The following BTRC variants were observed in gnomAD, a reference collection of about 807,000 sequenced individuals.
BTRC encodes the protein F-box/WD repeat-containing protein 1A.
Under a neutral mutation model 85.5 loss-of-function variants are expected in BTRC, and 42 were observed. The observed-to-expected ratio is 0.49, with a 90% CI of 0.38 to 0.64. The LOEUF (loss-of-function observed/expected upper bound fraction) is 0.64, where lower values mean the gene tolerates loss of function less well. Ranked by LOEUF, BTRC falls within the 30% of genes least tolerant of loss-of-function variation. The pLI, the probability that BTRC is intolerant of heterozygous loss-of-function variation, is 0.00. For missense variants in BTRC, 594 were observed against 743.5 expected (o/e 0.80, Z 2.34); for synonymous variants, 255 against 263.3 (o/e 0.97, Z 0.30).
intron 3 of BTRC, among the ~76,000 whole-genome samples, chr10:101,468,294 G>A (rs956146934): frequency 6.6e-5 from 10 of 152,140 alleles, no homozygotes; most frequent in African/African-American, 1.4e-4. Flanking sequence ...TTGTGATACT[G>A]GGAATAAATT....
Position 101,538,266 on chromosome 10 carries a change from C to T in BTRC, c.1578-27C>T, listed in dbSNP as rs1346412104. Reference sequence around the variant, plus strand: ...TTCTCTTACATTTGCTTTTAACTAACATTTTTGTCCCCTTTTTGATCTTTA... The same window carrying T: ...TTCTCTTACATTTGCTTTTAACTAATATTTTTGTCCCCTTTTTGATCTTTA... On this transcript the variant is annotated intron_variant, in intron 12 of 14. Coordinates refer to ENST00000370187, the MANE Select transcript of BTRC (RefSeq NM_033637.4). 6 of 1,594,196 alleles carry T rather than the reference C, an allele frequency of 3.8e-6. No homozygotes were observed. In the Admixed American group the frequency reaches 6.7e-5, roughly 18 times the overall value.
At chr10:101,486,994 T>G (rs1433675046) in intron 4 of BTRC, among the ~76,000 whole-genome samples, 2 of 152,232 alleles carry the variant, frequency 1.3e-5, no homozygotes, top group East Asian at 3.8e-4. Context: ...TAATCAATCT[T>G]ATTGAAACAT....
chr10:101,365,093 G>C (rs1464485105), intron 1 of BTRC: 1 of 149,190 alleles, frequency 6.7e-6, no homozygotes, highest in Non-Finnish European at 1.5e-5. Flanking sequence ...TTTTTTTTAA[G>C]ATGGAGTTTC....
chr10:101,466,514 T>C (rs909815947), intron 3 of BTRC, among the ~76,000 whole-genome samples: 1 of 152,192 alleles, frequency 6.6e-6, no homozygotes, highest in African/African-American at 2.4e-5. Flanking sequence ...TGCACCTCTA[T>C]AGATGGAGAC....
intron 3 of BTRC, among the ~76,000 whole-genome samples, chr10:101,465,066 TGACAATAATGA>T (rs1945337155): frequency 6.6e-6 from 1 of 152,224 alleles, no homozygotes; most frequent in Non-Finnish European, 1.5e-5. Context: ...CTATTGCATA[TGACAATAATGA>T]AGTGCCATTT....
intron 1 of BTRC, among the ~76,000 whole-genome samples, chr10:101,386,239 G>C (rs1399378144): frequency 6.6e-6 from 1 of 152,080 alleles, no homozygotes; most frequent in African/African-American, 2.4e-5. Flanking sequence ...TAAAGATGTG[G>C]TATAACCAAG....
At chr10:101,367,812 G>C (rs573916016) in intron 1 of BTRC, among the ~76,000 whole-genome samples, 1 of 152,290 alleles carries the variant, frequency 6.6e-6, no homozygotes, top group South Asian at 2.1e-4. Context: ...GTATTCCACT[G>C]TGATTAATCA....
intron 1 of BTRC, among the ~76,000 whole-genome samples, chr10:101,406,922 G>T (rs892773599): frequency 1.3e-5 from 2 of 151,982 alleles, no homozygotes; most frequent in South Asian, 4.2e-4. Context: ...TAATTGTGTC[G>T]GTTTTTAAAT....
At chr10:101,435,954 A>G (rs1303272464) in intron 2 of BTRC, among the ~76,000 whole-genome samples, 1 of 152,160 alleles carries the variant, frequency 6.6e-6, no homozygotes, top group Non-Finnish European at 1.5e-5. Context: ...AGGAGAAGCT[A>G]TGGAGTCATT....
intron 1 of BTRC, among the ~76,000 whole-genome samples, chr10:101,417,082 T>C (rs1564759242): frequency 6.6e-6 from 1 of 152,186 alleles, no homozygotes; most frequent in Non-Finnish European, 1.5e-5. Context: ...TCTCTGTGTA[T>C]TTCCTGCAAA....
intron 1 of BTRC, among the ~76,000 whole-genome samples, chr10:101,365,988 A>G (rs1374752711): frequency 6.6e-6 from 1 of 152,092 alleles, no homozygotes; most frequent in African/African-American, 2.4e-5. Flanking sequence ...AAAATCAGCT[A>G]TTGTTAATTT....
In BTRC at chr10:101,459,486, T is replaced by C. The variant is rs1378091018; in HGVS notation, c.157-2495T>C. On this transcript the variant is annotated intron_variant, in intron 2 of 14. Transcript: ENST00000370187. ...TACCTCTATTTTTTTGTAACAACAT[T>C]ATAAGTTGGATTTTTTGTTTGATTT... 2.0e-5 allele frequency among the ~76,000 whole-genome samples: 3 copies of C among 152,218 alleles called. No individual in the cohort carries two copies. In the East Asian group the frequency reaches 5.8e-4, roughly 29 times the overall value.
At chr10:101,478,620 A>G (rs2134222251) in intron 3 of BTRC, among the ~76,000 whole-genome samples, 1 of 151,578 alleles carries the variant, frequency 6.6e-6, no homozygotes, top group East Asian at 1.9e-4. Flanking sequence ...GCAAAACCCC[A>G]TCTCTACAAA....
At chr10:101,462,384 CTT>C (rs1945250605) in intron 3 of BTRC, among the ~76,000 whole-genome samples, 1 of 152,050 alleles carries the variant, frequency 6.6e-6, no homozygotes, top group South Asian at 2.1e-4. Context: ...TTAATAATAA[CTT>C]AAAAAAACAG....
intron 4 of BTRC, among the ~76,000 whole-genome samples, chr10:101,514,170 A>G (rs2061992602): frequency 6.6e-6 from 1 of 152,220 alleles, no homozygotes; most frequent in Non-Finnish European, 1.5e-5. Context: ...GATGCTGGAT[A>G]CAAGTCCTTT....
chr10:101,409,718 C>A (rs1367757043), intron 1 of BTRC, among the ~76,000 whole-genome samples: 1 of 152,214 alleles, frequency 6.6e-6, no homozygotes, highest in Non-Finnish European at 1.5e-5. Flanking sequence ...GTATTATCAT[C>A]TGTGGGACCA....
At chr10:101,436,474 G>A (rs1324778725) in intron 2 of BTRC, among the ~76,000 whole-genome samples, 6 of 152,038 alleles carry the variant, frequency 3.9e-5, no homozygotes, top group Non-Finnish European at 7.4e-5. Flanking sequence ...GTGAGACCCT[G>A]TCTCTACAAA....
rs180710045 is a variant in BTRC, at chr10:101,354,397, G to A, written c.48+169G>A. 2.5e-4 allele frequency: 183 copies of A among 737,086 alleles called. 2 individuals carry two copies. In the East Asian group the frequency reaches 4.9e-3, roughly 20 times the overall value. The allele number at this position is 737,086 out of a possible 1,614,324, so 45.7% of individuals were successfully genotyped here. On this transcript the variant is annotated intron_variant, in intron 1 of 14. Coordinates refer to ENST00000370187, the MANE Select transcript of BTRC (RefSeq NM_033637.4). ...AGCTCCAGAAAGGAGGCTGGGGGTT[G>A]CGGAGCGGACCCAGGGGTGGGGGCA...
At chr10:101,507,301 G>T (rs755505539) in intron 4 of BTRC, among the ~76,000 whole-genome samples, 1 of 152,144 alleles carries the variant, frequency 6.6e-6, no homozygotes, top group Non-Finnish European at 1.5e-5. Flanking sequence ...TAAACACAGC[G>T]CTCATTTCTG....
Sources: allele counts gnomAD v4.1 joint callset (sites outside exome capture counted in the v4.1 genomes callset), GRCh38; gene constraint gnomAD v4.1.1; transcripts MANE v1.5; gene names NCBI Gene and HGNC (gene_info 2026-07-23, HGNC 2026-07-21).